PDE11A: variants seen among roughly 807,000 people sequenced by gnomAD.
PDE11A encodes phosphodiesterase 11A, also known as dual 3',5'-cyclic-AMP and -GMP phosphodiesterase 11A.
Under a neutral mutation model 100.5 loss-of-function variants are expected in PDE11A, and 100 were observed. The ratio of observed to expected loss-of-function variants is 1.00; its 90% CI spans 0.85 to 1.18. The LOEUF (loss-of-function observed/expected upper bound fraction) is 1.18, where lower values mean the gene tolerates loss of function less well. Ranked by LOEUF, PDE11A falls within the 50% of genes most tolerant of loss-of-function variation. The pLI, the probability that PDE11A is intolerant of heterozygous loss-of-function variation, is 0.00. For missense variants in PDE11A, 1,141 were observed against 1,152.6 expected (o/e 0.99, Z 0.15); for synonymous variants, 381 against 420.8 (o/e 0.91, Z 1.16).
chr2:177,652,914 G>C (rs2080331321), intron 19 of PDE11A, among the ~76,000 whole-genome samples: 1 of 152,064 alleles, frequency 6.6e-6, no homozygotes, highest in Non-Finnish European at 1.5e-5. Context: ...CATATTGGAG[G>C]CTTTGCTCAA....
At chr2:177,783,221 G>C (rs1435218715) in intron 9 of PDE11A, among the ~76,000 whole-genome samples, 7 of 152,032 alleles carry the variant, frequency 4.6e-5, no homozygotes, top group African/African-American at 1.7e-4. Flanking sequence ...CTCATAATCT[G>C]TACAATATCA....
chr2:177,762,368 A>G (rs1357053555), intron 10 of PDE11A, among the ~76,000 whole-genome samples: 1 of 152,204 alleles, frequency 6.6e-6, no homozygotes, highest in East Asian at 1.9e-4. Context: ...CGTCACAGCT[A>G]GAGTTATCAA....
intron 4 of PDE11A, among the ~76,000 whole-genome samples, chr2:177,876,409 G>C (rs569041815): frequency 6.7e-6 from 1 of 148,200 alleles, no homozygotes; most frequent in South Asian, 2.1e-4. Flanking sequence ...AAAGGGTAAA[G>C]AGGAAGCCAC....
At chr2:177,823,613 A>G (rs1405071522) in intron 6 of PDE11A, among the ~76,000 whole-genome samples, 1 of 152,212 alleles carries the variant, frequency 6.6e-6, no homozygotes, top group East Asian at 1.9e-4. Context: ...GAGCACAGCC[A>G]ATGGCAAACA....
intron 10 of PDE11A, among the ~76,000 whole-genome samples, chr2:177,760,834 T>C (rs1173276348): frequency 1.3e-5 from 2 of 152,196 alleles, no homozygotes; most frequent in Non-Finnish European, 2.9e-5. Flanking sequence ...TCATAGGGTG[T>C]CTTGAGACCA....
At chr2:177,951,335 A>T (rs1388081954) in intron 2 of PDE11A, among the ~76,000 whole-genome samples, 1 of 152,242 alleles carries the variant, frequency 6.6e-6, no homozygotes, top group Non-Finnish European at 1.5e-5. Context: ...TTATGACAGT[A>T]TCTTCTTGAT....
chr2:177,680,748 T>C (rs957784165), intron 16 of PDE11A, 78 bp downstream of exon 16: 1 of 781,662 alleles, frequency 1.3e-6, no homozygotes, highest in Non-Finnish European at 2.3e-6. Flanking sequence ...ACTTCTATGC[T>C]CTTAGTACTG....
At chr2:178,098,188 C>A (rs1401938430) in intron 2 of PDE11A, among the ~76,000 whole-genome samples, 1 of 152,146 alleles carries the variant, frequency 6.6e-6, no homozygotes, top group Non-Finnish European at 1.5e-5. Context: ...ATTTTACAAC[C>A]AAATTATCAT....
At chr2:177,851,872 T>C (rs147233071) in intron 5 of PDE11A, among the ~76,000 whole-genome samples, 55 of 152,130 alleles carry the variant, frequency 3.6e-4, no homozygotes, top group African/African-American at 1.2e-3. Context: ...TAACCATTAG[T>C]TATTTTTCCC....
chr2:177,895,574 C>A (rs1033876859), intron 4 of PDE11A, among the ~76,000 whole-genome samples: 4 of 151,640 alleles, frequency 2.6e-5, no homozygotes, highest in African/African-American at 9.7e-5. Flanking sequence ...AAAAGCTATT[C>A]TGCCTTTAAA....
At chr2:177,785,801 G>A (rs985408946) in intron 9 of PDE11A, among the ~76,000 whole-genome samples, 6 of 152,232 alleles carry the variant, frequency 3.9e-5, no homozygotes, top group Non-Finnish European at 5.9e-5. Context: ...AGCAGTCTGA[G>A]ATCAAACTGC....
intron 12 of PDE11A, among the ~76,000 whole-genome samples, chr2:177,717,678 C>T (rs562881714): frequency 6.6e-6 from 1 of 152,240 alleles, no homozygotes; most frequent in South Asian, 2.1e-4. Flanking sequence ...CCAGCAAAGC[C>T]TTTCACCTGT....
intron 1 of PDE11A, among the ~76,000 whole-genome samples, chr2:178,049,715 G>A (rs562671631): frequency 1.8e-4 from 27 of 152,276 alleles, no homozygotes; most frequent in Non-Finnish European, 3.5e-4. Flanking sequence ...CCCATGCCTG[G>A]CTTGGAGGGT....
chr2:177,842,462 G>C (rs977639515), intron 5 of PDE11A, among the ~76,000 whole-genome samples: 1 of 152,326 alleles, frequency 6.6e-6, no homozygotes, highest in South Asian at 2.1e-4. Flanking sequence ...TGTATGGTGG[G>C]AATAAAACTG....
rs751949817 is a variant in PDE11A at position 177,727,653 on chromosome 2, C to T, written c.2043+5G>A. 11 of 1,528,032 alleles carry T rather than the reference C, an allele frequency of 7.2e-6. No individual in the cohort carries two copies. The highest frequency in any genetic ancestry group is 1.0e-5 in the Non-Finnish European group (11 of 1,101,446). 94.7% of individuals were successfully genotyped at this position (1,528,032 alleles called of 1,614,324 possible). Reference sequence around the variant, plus strand: ...TGATCTTCCACCATCACTAAGCACACTTACGGTTAACATCGCGAACATCAG... The same window carrying T: ...TGATCTTCCACCATCACTAAGCACATTTACGGTTAACATCGCGAACATCAG... On this transcript the variant is annotated splice_donor_5th_base_variant and intron_variant, in intron 12 of 19. Coordinates refer to ENST00000286063, the MANE Select transcript of PDE11A (RefSeq NM_016953.4).
At chr2:177,668,416 T>C (rs1158002232) in intron 18 of PDE11A, among the ~76,000 whole-genome samples, 2 of 152,316 alleles carry the variant, frequency 1.3e-5, no homozygotes, top group East Asian at 3.9e-4. Context: ...TTTATTTTTA[T>C]AACCAAATTT....
At chr2:177,979,053 T>A (rs1412341335) in intron 2 of PDE11A, among the ~76,000 whole-genome samples, 1 of 126,744 alleles carries the variant, frequency 7.9e-6, no homozygotes, top group Non-Finnish European at 1.7e-5. Context: ...AATGTGCACA[T>A]GTACCCTAAA....
chr2:177,884,546 G>A (rs532125355), intron 4 of PDE11A, among the ~76,000 whole-genome samples: 5 of 152,294 alleles, frequency 3.3e-5, no homozygotes, highest in African/African-American at 1.2e-4. Context: ...GTGGGGTAGA[G>A]GTGAAGTAAA....
chr2:178,029,026 T>A (rs368480558), intron 1 of PDE11A, among the ~76,000 whole-genome samples: 1 of 152,104 alleles, frequency 6.6e-6, no homozygotes, highest in Non-Finnish European at 1.5e-5. Flanking sequence ...AATTGAAAAA[T>A]TTCATAGCTT....
Sources: allele counts gnomAD v4.1 joint callset (sites outside exome capture counted in the v4.1 genomes callset), GRCh38; gene constraint gnomAD v4.1.1; transcripts MANE v1.5; gene names NCBI Gene and HGNC (gene_info 2026-07-23, HGNC 2026-07-21).